The following COQ9 variants were observed in gnomAD, a reference collection of about 807,000 sequenced individuals.
COQ9 encodes the protein coenzyme Q9, also known as ubiquinone biosynthesis protein COQ9, mitochondrial.
Under a neutral mutation model 42.4 loss-of-function variants are expected in COQ9, and 35 were observed. The ratio of observed to expected loss-of-function variants is 0.83; its 90% confidence interval spans 0.63 to 1.10. COQ9 has a LOEUF of 1.10. COQ9 is among the 50% of genes least tolerant of loss of function. The pLI is 0.00. For missense variants in COQ9, 406 were observed against 414.6 expected (o/e 0.98, Z 0.18); for synonymous variants, 155 against 155.1 (o/e 1.00, Z 0.00).
At chr16:57,450,072 A>C (rs777372505) in intron 1 of COQ9, among the ~76,000 whole-genome samples, 3 of 152,218 alleles carry the variant, frequency 2.0e-5, no homozygotes, top group Non-Finnish European at 2.9e-5. Flanking sequence ...ACCTAGTGGC[A>C]GATATACAGG....
At position 57,452,907 on chromosome 16, in the gene COQ9, A is replaced by G; in HGVS notation, c.349A>G (p.Thr117Ala). The G allele has an allele frequency of 6.2e-7, 1 of 1,613,826 alleles. No individual in the cohort carries two copies. Among genetic ancestry groups the G allele is most frequent in the Non-Finnish European group, 8.5e-7 (1 of 1,179,958 alleles). ...TGAGTTTGTGCCCGCCCACGGGTGGACAGCAGAGGCGATTGCAGAAGGAGC... is the reference window on the plus strand; with the variant it reads ...TGAGTTTGTGCCCGCCCACGGGTGGGCAGCAGAGGCGATTGCAGAAGGAGC... ...ALEFVPAHGW[T>A]AEAIAEGAQS... is the part of the protein sequence containing the mutation. The change falls in exon 3 of 9, where the codon ACA becomes GCA. Residue 117 changes from threonine (T) to alanine (A), a missense_variant. By Grantham distance (58) the Thr-to-Ala change is moderately conservative. Coordinates refer to ENST00000262507, the MANE Select transcript of COQ9 (RefSeq NM_020312.4).
intron 1 of COQ9, 119 bp downstream of exon 1, chr16:57,447,697 G>T: frequency 1.1e-6 from 1 of 893,988 alleles, no homozygotes; most frequent in Non-Finnish European, 1.5e-6. Flanking sequence ...GCAAGGTGAG[G>T]TGAAGGGCAT....
At chr16:57,456,049 C>CA (rs201646540) in intron 3 of COQ9, among the ~76,000 whole-genome samples, 1 of 146,410 alleles carries the variant, frequency 6.8e-6, no homozygotes, top group African/African-American at 2.5e-5. Context: ...GACACTGTCT[C>CA]AAAAAAAAAG....
At chr16:57,458,089 C>G (rs2030446213) in intron 5 of COQ9, 157 bp from the exon 6 acceptor site, 1 of 678,430 alleles carries the variant, frequency 1.5e-6, no homozygotes, top group South Asian at 1.5e-5. Flanking sequence ...GTCAGCATTG[C>G]TAGCTGCCCA....
rs2030498215 is a variant in COQ9 at position 57,460,053 on chromosome 16, A to G, written c.870A>G (p.Val290=). 6.2e-7 allele frequency: 1 copy of G among 1,614,024 alleles called. No individual in the cohort carries two copies. The highest frequency in any genetic ancestry group is 1.1e-5 in the South Asian group (1 of 91,068). ...AACCTGACACTGACTCCTTCTAGGT[A>G]AAGTCCACAGGAGAGGCACTGGTGC... ...AMNMGHTAKQ[V]KSTGEALVQG... Residue 290 remains valine, a splice_region_variant and synonymous_variant, in exon 8 of 9, where the codon GTA becomes GTG. Transcript: ENST00000262507.
rs1043953152 is a variant in COQ9 at position 57,460,681 on chromosome 16, G to C, written c.*57G>C. 7.8e-6 allele frequency: 12 copies of C among 1,533,548 alleles called. No homozygotes were observed. The East Asian group carries it at 2.7e-4, about 35-fold the overall frequency. The allele number at this position is 1,533,548 out of a possible 1,614,324, so 95.0% of individuals were successfully genotyped here. ...GAGAATGAGCGGACAGATTGAAAGA[G>C]CTTTGAAAAGTATAAGGTGCCATCC... On this transcript the variant is annotated 3_prime_UTR_variant, in exon 9 of 9. Transcript: ENST00000262507.
At chr16:57,455,867 T>C (rs970614065) in intron 3 of COQ9, among the ~76,000 whole-genome samples, 2 of 151,920 alleles carry the variant, frequency 1.3e-5, no homozygotes, top group Admixed American at 6.6e-5. Flanking sequence ...TGCTTGACAC[T>C]AGGAGTTTGA....
At chr16:57,454,125 AAT>A (rs2030350490) in intron 3 of COQ9, 1 of 152,156 alleles carries the variant, frequency 6.6e-6, no homozygotes. Context: ...TTTTTCCCTC[AAT>A]AGGGTGGAAA....
chr16:57,450,941 T>G (rs2030270861), intron 1 of COQ9, 99 bp from the exon 2 acceptor site: 1 of 1,311,304 alleles, frequency 7.6e-7, no homozygotes, highest in Non-Finnish European at 1.1e-6. Flanking sequence ...TCTACAGGAG[T>G]CTCTGGCCTG....
chr16:57,459,538 A>T lies in COQ9; in HGVS notation c.712-27A>T, dbSNP rs374332040. On this transcript the variant is annotated intron_variant, in intron 6 of 8. Coordinates refer to ENST00000262507, the MANE Select transcript of COQ9 (RefSeq NM_020312.4). ...AACTGCCTCAGACTTGCACCAGCCC[A>T]CAGCGGTAGTGTGGGTTTCTTTACA... The T allele has an allele frequency of 6.5e-5, 105 of 1,613,892 alleles. No individual in the cohort carries two copies. In the African/African-American group the frequency reaches 1.3e-3, roughly 20 times the overall value.
intron 8 of COQ9, among the ~76,000 whole-genome samples, 196 bp from the exon 9 acceptor site, chr16:57,460,393 C>T (rs1357598105): frequency 6.6e-6 from 1 of 151,766 alleles, no homozygotes; most frequent in Non-Finnish European, 1.5e-5. Flanking sequence ...TGCAGTGGCT[C>T]ATGCATATCA....
chr16:57,458,002 G>A (rs1598039505), intron 5 of COQ9: 1 of 518,562 alleles, frequency 1.9e-6, no homozygotes, highest in Non-Finnish European at 3.6e-6. Flanking sequence ...TGCATTCCCA[G>A]TTCCAAATGC....
chr16:57,460,183 C>A (rs985393762), intron 8 of COQ9, 79 bp downstream of exon 8: 3 of 1,377,052 alleles, frequency 2.2e-6, no homozygotes, highest in South Asian at 1.2e-5. Flanking sequence ...GACTTCACAT[C>A]ATTTTGTAGC....
rs929990079 is a variant in COQ9, at chr16:57,447,540, G to T, written c.35G>T (p.Arg12Leu). ...AAAAVSGALGRAGWRLLQLRC... is the reference protein window; with the variant it reads ...AAAAVSGALGLAGWRLLQLRC... The stretch of plus-strand genomic sequence containing the variant: ...GCGGCGGTATCTGGTGCGCTTGGCC[G>T]GGCGGGCTGGAGGCTCCTGCAGCTG... Residue 12 changes from arginine (R) to leucine (L), a missense_variant, in exon 1 of 9, where the codon CGG (arginine) becomes CTG (leucine). Coordinates refer to ENST00000262507, the MANE Select transcript of COQ9 (RefSeq NM_020312.4). The T allele has an allele frequency of 1.5e-6, 2 of 1,309,734 alleles. No individual in the cohort carries two copies. 81.1% of individuals were successfully genotyped at this position (1,309,734 alleles called of 1,614,324 possible). A position where few individuals can be genotyped will look rare whatever the true frequency, so the allele number is the denominator to read the frequency against.
chr16:57,457,897 G>T (rs1401748615), intron 5 of COQ9, among the ~76,000 whole-genome samples: 1 of 152,226 alleles, frequency 6.6e-6, no homozygotes, highest in Non-Finnish European at 1.5e-5. Context: ...GCTGATGTGT[G>T]TGAACGGACT....
In COQ9 at chr16:57,456,656, A is replaced by G. The variant is rs1376107094; in HGVS notation, c.521+10A>G. 3 of 1,612,646 alleles carry G rather than the reference A, an allele frequency of 1.9e-6. No homozygotes were observed. The highest frequency in any genetic ancestry group is 1.1e-5 in the South Asian group (1 of 90,860). On this transcript the variant is annotated intron_variant, in intron 4 of 8. Transcript: ENST00000262507. Reference sequence around the variant, plus strand: ...AGTTGGGCCAGGCGGAGTAAGTCCCATGGCATTACTACTCAGGGTGGCAGC... The same window carrying G: ...AGTTGGGCCAGGCGGAGTAAGTCCCGTGGCATTACTACTCAGGGTGGCAGC...
Position 57,461,041 on chromosome 16 carries a change from C to A in COQ9, c.*417C>A. ...CCACCTCAAGGTGACAGCTCATCTC[C>A]AGCACAGCACAGGCGTGTGCACACA... On this transcript the variant is annotated 3_prime_UTR_variant, in exon 9 of 9. Transcript: ENST00000262507. The A allele has an allele frequency of 2.6e-6, 1 of 385,838 alleles. No homozygotes were observed. The highest frequency in any genetic ancestry group is 5.1e-6 in the Non-Finnish European group (1 of 194,656). 23.9% of individuals were successfully genotyped at this position (385,838 alleles called of 1,614,324 possible). A position where few individuals can be genotyped will look rare whatever the true frequency, so the allele number is the denominator to read the frequency against.
At position 57,458,366 on chromosome 16, in the gene COQ9, A is replaced by T. The variant is rs750140878; in HGVS notation, c.711+16A>T. On this transcript the variant is annotated intron_variant, in intron 6 of 8. Transcript: ENST00000262507. ...GTCCACTGATGTGAGTGCTTTCTGC[A>T]GGCCCACAGGAGGCTGGGAAAGGCT... is the stretch of plus-strand genomic sequence containing the variant. 5.8e-6 allele frequency: 9 copies of T among 1,557,640 alleles called. No homozygotes were observed. In the East Asian group the frequency reaches 2.0e-4, roughly 35 times the overall value.
intron 6 of COQ9, 105 bp from the exon 7 acceptor site, chr16:57,459,460 C>A: frequency 9.2e-7 from 1 of 1,091,870 alleles, no homozygotes; most frequent in Non-Finnish European, 1.4e-6. Context: ...GTATCTGTGA[C>A]AGTCAAGAAG....
Sources: allele counts gnomAD v4.1 joint callset (sites outside exome capture counted in the v4.1 genomes callset), GRCh38; gene constraint gnomAD v4.1.1; transcripts MANE v1.5; gene names NCBI Gene and HGNC (gene_info 2026-07-23, HGNC 2026-07-21).